The following NAGK variants were observed in gnomAD, a reference collection of about 807,000 sequenced individuals.
NAGK encodes N-acetylglucosamine kinase, also known as N-acetyl-D-glucosamine kinase.
A neutral mutation model predicts 42.9 loss-of-function variants in NAGK; 35 were observed. The observed-to-expected ratio is 0.82, with a 90% CI of 0.62 to 1.08. NAGK has a LOEUF of 1.08. Among genes scored for constraint, NAGK ranks in the 50% least tolerant of loss-of-function variants. The pLI is 0.00. For missense variants in NAGK, 446 were observed against 446.0 expected (o/e 1.00, Z 0.00); for synonymous variants, 172 against 176.0 (o/e 0.98, Z 0.18).
intron 1 of NAGK, chr2:71,070,177 G>C (rs1296052488): frequency 6.7e-6 from 2 of 296,494 alleles, no homozygotes; most frequent in African/African-American, 4.3e-5. Flanking sequence ...AATAACTTTG[G>C]AGGCACTATG....
upstream of NAGK, chr2:71,068,523 C>G (rs1344236378): frequency 2.1e-6 from 3 of 1,455,788 alleles, no homozygotes; most frequent in South Asian, 2.7e-5. Context: ...ATCCCCGGCT[C>G]CTACCGGCGC....
At position 71,075,572 on chromosome 2, in the gene NAGK, G is replaced by T. The variant is rs148350552; in HGVS notation, c.597G>T (p.Gly199=). 5.6e-6 allele frequency: 9 copies of T among 1,613,830 alleles called. No individual in the cohort carries two copies. Among genetic ancestry groups the T allele is most frequent in the African/African-American group, 1.3e-5 (1 of 74,926 alleles). The part of the protein sequence containing the change: ...FHYFQVPDRL[G]ILTHLYRDFD... Reference sequence around the variant, plus strand: ...CCTCTCAGGTGCCAGATCGGCTAGGGATACTCACTCACCTGTATAGGGACT... The same window carrying T: ...CCTCTCAGGTGCCAGATCGGCTAGGTATACTCACTCACCTGTATAGGGACT... Residue 199 remains glycine, a synonymous_variant, in exon 7 of 10, where the codon GGG becomes GGT. Coordinates refer to ENST00000244204, the MANE Select transcript of NAGK (RefSeq NM_017567.6).
intron 3 of NAGK, 41 bp from the exon 4 acceptor site, chr2:71,071,633 AAAAGAGCTGGGG>A: frequency 6.4e-7 from 1 of 1,554,620 alleles, no homozygotes; most frequent in South Asian, 1.2e-5. Context: ...GGGGGTTGAG[AAAAGAGCTGGGG>A]CTGGGGCTCT....
rs878987081 is a variant in NAGK, at chr2:71,079,160, G to A, written c.*652G>A. On this transcript the variant is annotated 3_prime_UTR_variant, in exon 10 of 10. Coordinates refer to ENST00000244204, the MANE Select transcript of NAGK (RefSeq NM_017567.6). ...GCTGAGATCCAAGAAGACCAACTAG[G>A]TACCGCTCACCTCGGTAGCTGACCT... is the stretch of plus-strand genomic sequence containing the variant. 6.6e-6 allele frequency: 1 copy of A among 152,304 alleles called. No homozygotes were observed. Among genetic ancestry groups the A allele is most frequent in the Non-Finnish European group, 1.5e-5 (1 of 68,114 alleles). The allele number at this position is 152,304 out of a possible 1,614,324, so 9.4% of individuals were successfully genotyped here.
In NAGK at chr2:71,078,935, CAA is replaced by C. The variant is rs1672316111; in HGVS notation, c.*428_*429del. On this transcript the variant is annotated 3_prime_UTR_variant, in exon 10 of 10. Coordinates refer to ENST00000244204, the MANE Select transcript of NAGK (RefSeq NM_017567.6). Reference sequence around the variant, plus strand: ...CCCTGGCGACCACAGTCAGCAGAAACAAGTGCTCACCATTCAGAACATCACAG... The same window carrying C: ...CCCTGGCGACCACAGTCAGCAGAAACGTGCTCACCATTCAGAACATCACAG... 6.1e-6 allele frequency: 1 copy of C among 162,874 alleles called. No homozygotes were observed. The highest frequency in any genetic ancestry group is 2.4e-5 in the African/African-American group (1 of 41,590). The allele number at this position is 162,874 out of a possible 1,614,324, so 10.1% of individuals were successfully genotyped here. A position where few individuals can be genotyped will look rare whatever the true frequency, so the allele number is the denominator to read the frequency against.
chr2:71,071,539 T>C, intron 3 of NAGK, 147 bp from the exon 4 acceptor site: 1 of 1,116,196 alleles, frequency 9.0e-7, no homozygotes, highest in South Asian at 1.7e-5. Context: ...GAGGGGTCAT[T>C]GTGTGGGGAG....
chr2:71,077,674 G>T lies in NAGK; in HGVS notation c.844+38G>T, dbSNP rs761149113. 2.5e-6 allele frequency: 4 copies of T among 1,571,638 alleles called. No individual in the cohort carries two copies. In the Admixed American group the frequency reaches 7.4e-5, roughly 29 times the overall value. On this transcript the variant is annotated intron_variant, in intron 9 of 9. Transcript: ENST00000244204. ...GGAGGCTGGAAGGGCAAGGGCAGGG[G>T]ACGGGGCTGGAAAGGAGGTGGCCCA...
At chr2:71,075,503 T>TG in intron 6 of NAGK, 52 bp from the exon 7 acceptor site, 1 of 1,449,850 alleles carries the variant, frequency 6.9e-7, no homozygotes, top group African/African-American at 1.4e-5. Flanking sequence ...GTGGGCAGAT[T>TG]GGGGATTTTC....
rs111607540 is a variant in NAGK at position 71,070,589 on chromosome 2, A to G, written c.114+3A>G. 1.9e-6 allele frequency: 3 copies of G among 1,612,972 alleles called. No homozygotes were observed. In the South Asian group the frequency reaches 3.3e-5, roughly 18 times the overall value. ...ATGGACTGAGCACAAACCACTGGGT[A>G]AAAACCACACTGAGGGGATCAGAGG... On this transcript the variant is annotated splice_donor_region_variant and intron_variant, in intron 2 of 9. Transcript: ENST00000244204.
chr2:71,077,772 C>T (rs1672271873), intron 9 of NAGK, 136 bp downstream of exon 9: 2 of 862,230 alleles, frequency 2.3e-6, no homozygotes, highest in African/African-American at 1.7e-5. Flanking sequence ...ATGCTCCCGT[C>T]TAAGGCCCTC....
At chr2:71,070,700 T>A (rs1286542832) in intron 2 of NAGK, 41 bp from the exon 3 acceptor site, 2 of 1,613,188 alleles carry the variant, frequency 1.2e-6, no homozygotes, top group Non-Finnish European at 8.5e-7. Context: ...ACATAGCTTC[T>A]GTAAGCCTTT....
At chr2:71,073,357 G>A (rs1445389229) in intron 5 of NAGK, 125 bp from the exon 6 acceptor site, 5 of 590,886 alleles carry the variant, frequency 8.5e-6, no homozygotes, top group Non-Finnish European at 1.5e-5. Context: ...ACCCCTGGCT[G>A]GGAATCAGGA....
At chr2:71,075,696 G>T (rs935835162) in intron 7 of NAGK, 54 bp downstream of exon 7, 1 of 1,518,884 alleles carries the variant, frequency 6.6e-7, no homozygotes, top group African/African-American at 1.4e-5. Context: ...AAGATCCCCA[G>T]TTGGGAGATT....
rs1437129953 is a variant in NAGK at position 71,077,602 on chromosome 2, C to T, written c.810C>T (p.Gly270=). 3 of 1,609,480 alleles carry T rather than the reference C, an allele frequency of 1.9e-6. No individual in the cohort carries two copies. The highest frequency in any genetic ancestry group is 1.7e-6 in the Non-Finnish European group (2 of 1,178,046). Residue 270 remains glycine, a synonymous_variant, in exon 9 of 10, where the codon GGC becomes GGT. Transcript: ENST00000244204. ...TTGGACTCCCCATCCTGTGCGTGGG[C>T]TCTGTGTGGAAGAGCTGGGAGCTGC... ...GKIGLPILCV[G]SVWKSWELLK...
intron 1 of NAGK, chr2:71,069,136 TA>T (rs1671902438): frequency 2.0e-6 from 2 of 993,646 alleles, no homozygotes; most frequent in South Asian, 4.2e-5. Context: ...TGGCTGAGGT[TA>T]TCCGGGAGCT....
upstream of NAGK, chr2:71,068,497 C>T (rs1485919230): frequency 3.5e-6 from 5 of 1,426,812 alleles, no homozygotes; most frequent in South Asian, 2.9e-5. Context: ...AGGAAGACAG[C>T]CTGAGGGACG....
intron 4 of NAGK, 38 bp downstream of exon 4, chr2:71,071,865 T>G: frequency 6.2e-7 from 1 of 1,607,250 alleles, no homozygotes; most frequent in Non-Finnish European, 8.5e-7. Context: ...TGAGAACTGG[T>G]TTTTTTGGGA....
At chr2:71,075,292 A>G in intron 6 of NAGK, 1 of 363,348 alleles carries the variant, frequency 2.8e-6, no homozygotes, top group Non-Finnish European at 5.0e-6. Flanking sequence ...GAGCAGCTCA[A>G]GAAACTATAG....
chr2:71,076,607 C>T lies in NAGK; in HGVS notation c.671C>T (p.Ala224Val), dbSNP rs928557516. 3 of 1,611,996 alleles carry T rather than the reference C, an allele frequency of 1.9e-6. No homozygotes were observed. The Admixed American group carries it at 5.0e-5, about 27-fold the overall frequency. ...AGFCRKIAEG[A>V]QQGDPLSRYI... ...TCTTCCGTCCTCCCTACCCCAGGTG[C>T]TCAGCAGGGAGACCCCCTTTCCCGC... is the stretch of plus-strand genomic sequence containing the variant. The change falls in exon 8 of 10, where the codon GCT (alanine) becomes GTT (valine). Residue 224 changes from alanine (A) to valine (V), a missense_variant. By Grantham distance (64) the Ala-to-Val change is moderately conservative (BLOSUM62 0). Coordinates refer to ENST00000244204, the MANE Select transcript of NAGK (RefSeq NM_017567.6).
Sources: gnomAD v4.1 joint callset for allele counts on GRCh38, gnomAD v4.1.1 for gene constraint, MANE v1.5 for transcripts, NCBI Gene and HGNC (gene_info 2026-07-23, HGNC 2026-07-21) for gene names.